FAM114A1: variants seen among roughly 807,000 people sequenced by gnomAD.
The protein encoded by FAM114A1 is family with sequence similarity 114 member A1.
In FAM114A1, 62 loss-of-function variants were observed where a neutral mutation model predicts 64.3. The ratio of observed to expected loss-of-function variants is 0.96; its 90% confidence interval spans 0.79 to 1.19. FAM114A1 has a LOEUF of 1.19. Ranked by LOEUF, FAM114A1 falls within the 50% of genes most tolerant of loss-of-function variation. The pLI is 0.00. For synonymous variants in FAM114A1, 254 were observed against 251.1 expected (o/e 1.01, Z -0.11); for missense variants, 645 against 676.3 (o/e 0.95, Z 0.51).
chr4:38,877,722 C>T (rs1477344950), intron 2 of FAM114A1, among the ~76,000 whole-genome samples: 11 of 152,046 alleles, frequency 7.2e-5, no homozygotes, highest in Middle Eastern at 6.3e-3. Flanking sequence ...CCCAGCACTT[C>T]GGGAGGCCAA....
intron 2 of FAM114A1, among the ~76,000 whole-genome samples, chr4:38,871,656 A>G (rs1191927506): frequency 6.6e-6 from 1 of 152,098 alleles, no homozygotes; most frequent in Non-Finnish European, 1.5e-5. Flanking sequence ...TACATTTGGG[A>G]TAAACTGACC....
At chr4:38,876,256 A>AC (rs1714626208) in intron 2 of FAM114A1, among the ~76,000 whole-genome samples, 1 of 130,454 alleles carries the variant, frequency 7.7e-6, no homozygotes, top group Non-Finnish European at 1.6e-5. Context: ...TGCAACCTCC[A>AC]CCCCCCAGGT....
chr4:38,873,330 C>T (rs577967070), intron 2 of FAM114A1, among the ~76,000 whole-genome samples: 22 of 152,270 alleles, frequency 1.4e-4, no homozygotes, highest in African/African-American at 5.3e-4. Flanking sequence ...AAAGACAATA[C>T]GGAAATGTCA....
In FAM114A1 at chr4:38,891,769, AG is replaced by A. The variant is rs1428859201; in HGVS notation, c.377del (p.Gly126AspfsTer20). 6.2e-7 allele frequency: 1 copy of A among 1,611,934 alleles called. No individual in the cohort carries two copies. Among genetic ancestry groups the A allele is most frequent in the African/African-American group, 1.3e-5 (1 of 74,824 alleles). On this transcript the variant is annotated frameshift_variant, in exon 4 of 15. Transcript: ENST00000358869. LOFTEE classifies it high-confidence loss of function. The part of the protein sequence containing the change: ...LAVDSPPSGG[G>X]WAGWGSWGKS... ...CTGTGGATTCCCCTCCAAGTGGAGG[AG>A]GATGGGCAGGCTGGGGATCCTGGGG...
chr4:38,875,617 G>A (rs926829690), intron 2 of FAM114A1, among the ~76,000 whole-genome samples: 7 of 152,174 alleles, frequency 4.6e-5, no homozygotes, highest in African/African-American at 1.7e-4. Context: ...CATCTGCAAA[G>A]ATAGTTTGTC....
At chr4:38,903,322 C>T (rs113218853) in intron 4 of FAM114A1, among the ~76,000 whole-genome samples, 3 of 152,306 alleles carry the variant, frequency 2.0e-5, no homozygotes, top group African/African-American at 7.2e-5. Flanking sequence ...ATTATCCTAA[C>T]CTGCAAGGGA....
At position 38,922,299 on chromosome 4, in the gene FAM114A1, C is replaced by T. The variant is rs1433151432; in HGVS notation, c.946-471C>T. Among the ~76,000 whole-genome samples the T allele has an allele frequency of 2.6e-5, 4 of 152,292 alleles. No homozygotes were observed. In the East Asian group the frequency reaches 7.7e-4, roughly 29 times the overall value. On this transcript the variant is annotated intron_variant, in intron 8 of 14. Transcript: ENST00000358869. ...TCTAAGTATTTTAAGTAGATTACTT[C>T]ATTTAACCCTCAAAACAACCTTATA...
At chr4:38,906,532 G>GT (rs942958151) in intron 6 of FAM114A1, among the ~76,000 whole-genome samples, 1 of 151,956 alleles carries the variant, frequency 6.6e-6, no homozygotes, top group Non-Finnish European at 1.5e-5. Context: ...GATTTATTTT[G>GT]TTTTTTCTTT....
At chr4:38,915,226 C>T (rs1718933122) in intron 8 of FAM114A1, among the ~76,000 whole-genome samples, 153 bp downstream of exon 8, 1 of 152,276 alleles carries the variant, frequency 6.6e-6, no homozygotes, top group Middle Eastern at 3.4e-3. Flanking sequence ...GGATGACCCT[C>T]GAGCTCCATA....
Position 38,905,853 on chromosome 4 carries a change from C to G in FAM114A1, c.649C>G (p.Gln217Glu). The G allele has an allele frequency of 6.2e-7, 1 of 1,611,190 alleles. No homozygotes were observed. The highest frequency in any genetic ancestry group is 8.5e-7 in the Non-Finnish European group (1 of 1,179,288). Reference protein sequence around the residue: ...GMLSAITNVVQNTGKSVLTGG... With the variant: ...GMLSAITNVVENTGKSVLTGG... Reference sequence around the variant, plus strand: ...GCTGTCTGCCATCACCAATGTGGTTCAAAACACAGTGAGTCGCTGGCTGCT... The same window carrying G: ...GCTGTCTGCCATCACCAATGTGGTTGAAAACACAGTGAGTCGCTGGCTGCT... The change falls in exon 6 of 15, where the codon CAA becomes GAA. Residue 217 changes from glutamine to glutamate, a missense_variant. By Grantham distance (29) the Gln-to-Glu change is conservative. Coordinates refer to ENST00000358869, the MANE Select transcript of FAM114A1 (RefSeq NM_138389.4).
chr4:38,882,042 G>A (rs1715321622), intron 3 of FAM114A1, among the ~76,000 whole-genome samples: 1 of 152,146 alleles, frequency 6.6e-6, no homozygotes, highest in Admixed American at 6.6e-5. Flanking sequence ...GCCGGGCGCG[G>A]TGGCTCACGC....
intron 4 of FAM114A1, among the ~76,000 whole-genome samples, chr4:38,900,533 G>A (rs1385920452): frequency 6.6e-6 from 1 of 152,120 alleles, no homozygotes; most frequent in African/African-American, 2.4e-5. Flanking sequence ...GCAAAATGTG[G>A]TCTTTACATA....
intron 4 of FAM114A1, among the ~76,000 whole-genome samples, chr4:38,902,469 T>C (rs1717606847): frequency 6.6e-6 from 1 of 152,160 alleles, no homozygotes; most frequent in Non-Finnish European, 1.5e-5. Flanking sequence ...TCATAAATGA[T>C]GGGAGCAGAA....
Position 38,886,817 on chromosome 4 carries a change from A to G in FAM114A1, c.349-4926A>G, listed in dbSNP as rs538894581. On this transcript the variant is annotated intron_variant, in intron 3 of 14. Coordinates refer to ENST00000358869, the MANE Select transcript of FAM114A1 (RefSeq NM_138389.4). ...GTGGTGGGTGCCTGTAATCCCAGCT[A>G]CTCAGAAGGCTGAGGCAGGAGAATC... Among the ~76,000 whole-genome samples the G allele has an allele frequency of 3.3e-5, 5 of 151,470 alleles. No homozygotes were observed. In the South Asian group the frequency reaches 8.3e-4, roughly 25 times the overall value.
At chr4:38,901,838 A>C (rs1717555689) in intron 4 of FAM114A1, among the ~76,000 whole-genome samples, 1 of 152,208 alleles carries the variant, frequency 6.6e-6, no homozygotes. Flanking sequence ...TCCTAAAAAC[A>C]CTAAGCTATG....
intron 3 of FAM114A1, among the ~76,000 whole-genome samples, chr4:38,889,082 A>G (rs183684035): frequency 3.3e-5 from 5 of 152,332 alleles, no homozygotes; most frequent in Admixed American, 3.3e-4. Flanking sequence ...AAAGTTCTAG[A>G]CTCATTTAAC....
chr4:38,935,951 G>T (rs548453521), intron 13 of FAM114A1, among the ~76,000 whole-genome samples, 161 bp downstream of exon 13: 8 of 152,168 alleles, frequency 5.3e-5, no homozygotes, highest in Non-Finnish European at 1.0e-4. Flanking sequence ...AGGACAGGCA[G>T]CTTAGGACTC....
intron 8 of FAM114A1, among the ~76,000 whole-genome samples, chr4:38,917,121 T>G (rs1261105620): frequency 3.3e-5 from 5 of 150,524 alleles, no homozygotes; most frequent in African/African-American, 9.8e-5. Flanking sequence ...CTGGCCAACA[T>G]GGTGAAGCCC....
Position 38,922,281 on chromosome 4 carries a change from AT to A in FAM114A1, c.946-485del, listed in dbSNP as rs546754473. Among the ~76,000 whole-genome samples the A allele has an allele frequency of 6.6e-5, 10 of 152,328 alleles. No homozygotes were observed. In the East Asian group the frequency reaches 1.9e-3, roughly 29 times the overall value. Reference sequence around the variant, plus strand: ...ATAAGTATTGAGCATCACTCTAAGTATTTTAAGTAGATTACTTCATTTAACC... The same window carrying A: ...ATAAGTATTGAGCATCACTCTAAGTATTTAAGTAGATTACTTCATTTAACC... On this transcript the variant is annotated intron_variant, in intron 8 of 14. Transcript: ENST00000358869.
Sources: allele counts gnomAD v4.1 joint callset (sites outside exome capture counted in the v4.1 genomes callset), GRCh38; gene constraint gnomAD v4.1.1; transcripts MANE v1.5; gene names NCBI Gene and HGNC (gene_info 2026-07-23, HGNC 2026-07-21).